Variants in NRXN3 observed in about 807,000 individuals in gnomAD.
The protein encoded by NRXN3 is neurexin 3, also known as neurexin III.
Under a neutral mutation model 137.6 loss-of-function variants are expected in NRXN3, and 32 were observed. The observed-to-expected ratio is 0.23, with a 90% confidence interval of 0.18 to 0.31. The LOEUF (loss-of-function observed/expected upper bound fraction) is 0.31, where lower values mean the gene tolerates loss of function less well. Ranked by LOEUF, NRXN3 falls within the 10% of genes least tolerant of loss-of-function variation. NRXN3 has a pLI of 1.00. For synonymous variants in NRXN3, 798 were observed against 784.5 expected (o/e 1.02, Z -0.29); for missense variants, 1,574 against 2,062.5 (o/e 0.76, Z 4.59).
At chr14:78,413,706 C>T (rs931035926) in intron 4 of NRXN3, among the ~76,000 whole-genome samples, 5 of 152,160 alleles carry the variant, frequency 3.3e-5, no homozygotes, top group East Asian at 3.9e-4. Flanking sequence ...TGAGGTGCAG[C>T]GTAATTAGCA....
chr14:79,622,157 T>G (rs934008866), intron 16 of NRXN3, among the ~76,000 whole-genome samples: 17 of 152,174 alleles, frequency 1.1e-4, no homozygotes, highest in African/African-American at 4.1e-4. Context: ...TAGCTCATAG[T>G]CCATGCAGAA....
chr14:78,264,386 G>A (rs974954047), intron 2 of NRXN3, among the ~76,000 whole-genome samples: 5 of 152,132 alleles, frequency 3.3e-5, no homozygotes, highest in East Asian at 1.9e-4. Context: ...AGCTAGGTCC[G>A]CCTTAAGCTG....
chr14:79,499,039 CT>C (rs2096794170), intron 16 of NRXN3, among the ~76,000 whole-genome samples: 1 of 152,198 alleles, frequency 6.6e-6, no homozygotes, highest in African/African-American at 2.4e-5. Context: ...GACACTCTCA[CT>C]CCCTGCCAAT....
At chr14:78,744,616 A>C (rs753735701) in intron 8 of NRXN3, 3 of 152,132 alleles carry the variant, frequency 2.0e-5, no homozygotes, top group Non-Finnish European at 4.4e-5. Flanking sequence ...GGAGGTTGTG[A>C]CTTTTCTAAA....
At chr14:79,251,046 T>A (rs2075850780) in intron 15 of NRXN3, among the ~76,000 whole-genome samples, 1 of 152,066 alleles carries the variant, frequency 6.6e-6, no homozygotes, top group South Asian at 2.1e-4. Flanking sequence ...TGGGTTAGAG[T>A]GAAGGCTACA....
At chr14:79,484,138 T>C (rs2096634066) in intron 16 of NRXN3, among the ~76,000 whole-genome samples, 1 of 152,162 alleles carries the variant, frequency 6.6e-6, no homozygotes, top group Non-Finnish European at 1.5e-5. Context: ...GGCAGCGGCA[T>C]GAGAGCATCT....
chr14:78,238,140 C>CG lies in NRXN3; in HGVS notation c.-703-4251_-703-4250insG, dbSNP rs1032677433. On this transcript the variant is annotated intron_variant, in intron 1 of 20. Coordinates refer to ENST00000335750, the MANE Select transcript of NRXN3 (RefSeq NM_001330195.2). Reference sequence around the variant, plus strand: ...AGCCCACATGTCAGAGTTGTGTGAGCCCCCCCCACCACACCACCCTGCCCC... The same window carrying CG: ...AGCCCACATGTCAGAGTTGTGTGAGCGCCCCCCCACCACACCACCCTGCCCC... Among the ~76,000 whole-genome samples, 8 of 17,446 alleles carry CG rather than the reference C, an allele frequency of 4.6e-4. No individual in the cohort carries two copies. The South Asian group carries it at 4.9e-3, about 11-fold the overall frequency. 11.4% of individuals were successfully genotyped at this position (17,446 alleles called of 152,430 possible).
At position 78,197,251 on chromosome 14, in the gene NRXN3, C is replaced by G. The variant is rs17107117; in HGVS notation, c.-704+26577C>G. On this transcript the variant is annotated intron_variant, in intron 1 of 20. Coordinates refer to ENST00000335750, the MANE Select transcript of NRXN3 (RefSeq NM_001330195.2). ...GTGCATGCATAATCAATACAGGAGG[C>G]TGTCACTGCTTTTAGCTGGGGTGCT... Among the ~76,000 whole-genome samples the G allele has an allele frequency of 3.9e-3, 590 of 152,358 alleles. 30 individuals are homozygous for G. The East Asian group carries it at 0.1, about 26-fold the overall frequency.
chr14:79,167,043 T>C (rs1439369274), intron 15 of NRXN3, among the ~76,000 whole-genome samples: 2 of 152,012 alleles, frequency 1.3e-5, no homozygotes, highest in African/African-American at 2.4e-5. Context: ...AGAAGTTTGA[T>C]GCTGAAATTA....
chr14:78,437,422 C>T (rs565864472), intron 4 of NRXN3, among the ~76,000 whole-genome samples: 1 of 151,666 alleles, frequency 6.6e-6, no homozygotes, highest in South Asian at 2.1e-4. Context: ...GATCTCAGCT[C>T]ACTGCAACCT....
At chr14:79,135,398 A>ATTAG (rs1338509828) in intron 15 of NRXN3, among the ~76,000 whole-genome samples, 2 of 152,214 alleles carry the variant, frequency 1.3e-5, no homozygotes, top group African/African-American at 4.8e-5. Context: ...CCTCTCCTAA[A>ATTAG]GAGTTTTGAA....
At chr14:78,504,960 G>A (rs1224628527) in intron 4 of NRXN3, among the ~76,000 whole-genome samples, 3 of 152,112 alleles carry the variant, frequency 2.0e-5, no homozygotes, top group African/African-American at 7.2e-5. Context: ...CTAGGACAAG[G>A]ACACAATGAG....
intron 10 of NRXN3, among the ~76,000 whole-genome samples, chr14:78,827,696 G>A (rs1205694791): frequency 6.6e-6 from 1 of 152,146 alleles, no homozygotes; most frequent in Non-Finnish European, 1.5e-5. Flanking sequence ...CCTTGTTCCT[G>A]CCTTCCTTCT....
At chr14:79,345,973 A>G (rs1430010668) in intron 15 of NRXN3, among the ~76,000 whole-genome samples, 2 of 152,214 alleles carry the variant, frequency 1.3e-5, no homozygotes, top group Non-Finnish European at 2.9e-5. Context: ...AATAAATCTC[A>G]GGTCTCTGAT....
chr14:79,556,515 C>G (rs2097431269), intron 16 of NRXN3, among the ~76,000 whole-genome samples: 1 of 152,108 alleles, frequency 6.6e-6, no homozygotes, highest in African/African-American at 2.4e-5. Flanking sequence ...TCCCACTCCC[C>G]TTGACTAACT....
Position 79,864,434 on chromosome 14 carries a change from G to A in NRXN3, c.*2470G>A, listed in dbSNP as rs2099417046. The A allele has an allele frequency of 6.6e-6, 1 of 152,582 alleles. No homozygotes were observed. Among genetic ancestry groups the A allele is most frequent in the Non-Finnish European group, 1.5e-5 (1 of 68,028 alleles). The allele number at this position is 152,582 out of a possible 1,614,324, so 9.5% of individuals were successfully genotyped here. A position where few individuals can be genotyped will look rare whatever the true frequency, so the allele number is the denominator to read the frequency against. On this transcript the variant is annotated 3_prime_UTR_variant, in exon 21 of 21. Transcript: ENST00000335750. ...TCTTCCCAAAACCTTGTATGCTGAT[G>A]CACTTTTATTTTCTTAACATTTGAG...
At chr14:79,637,383 C>T (rs1024271837) in intron 16 of NRXN3, among the ~76,000 whole-genome samples, 4 of 152,134 alleles carry the variant, frequency 2.6e-5, no homozygotes, top group African/African-American at 9.7e-5. Context: ...GGAAGCCCCA[C>T]CACATTGTAA....
intron 8 of NRXN3, among the ~76,000 whole-genome samples, chr14:78,766,954 C>G (rs2098711092): frequency 6.6e-6 from 1 of 152,202 alleles, no homozygotes; most frequent in African/African-American, 2.4e-5. Flanking sequence ...CACTTGCTCT[C>G]CAACAGAATT....
At chr14:79,703,632 G>T (rs2098764099) in intron 19 of NRXN3, among the ~76,000 whole-genome samples, 1 of 151,922 alleles carries the variant, frequency 6.6e-6, no homozygotes, top group Non-Finnish European at 1.5e-5. Context: ...TGGGGAAACT[G>T]CCCCCCTGAT....
Sources: allele counts gnomAD v4.1 joint callset (sites outside exome capture counted in the v4.1 genomes callset), GRCh38; gene constraint gnomAD v4.1.1; transcripts MANE v1.5; gene names NCBI Gene and HGNC (gene_info 2026-07-23, HGNC 2026-07-21).